The following FHIP1A variants were observed in gnomAD, a reference collection of about 807,000 sequenced individuals.
The protein encoded by FHIP1A is FHF complex subunit HOOK-interacting protein 1A.
A neutral mutation model predicts 88.6 loss-of-function variants in FHIP1A; 61 were observed. That is an observed-to-expected ratio of 0.69 (90% CI 0.56 to 0.85). The LOEUF (loss-of-function observed/expected upper bound fraction) is 0.85. Ranked by LOEUF, FHIP1A falls within the 40% of genes least tolerant of loss-of-function variation. The pLI, the probability that FHIP1A is intolerant of heterozygous loss-of-function variation, is 0.00. For missense variants in FHIP1A, 1,154 were observed against 1,273.5 expected, an observed-to-expected ratio of 0.91 and a Z score of 1.43; for synonymous variants, 478 against 496.0, an observed-to-expected ratio of 0.96 and a Z score of 0.48.
intron 3 of FHIP1A, among the ~76,000 whole-genome samples, chr4:151,535,280 A>G (rs1732027009): frequency 6.6e-6 from 1 of 152,220 alleles, no homozygotes; most frequent in Admixed American, 6.5e-5. Flanking sequence ...AAAGCAAACT[A>G]AATACCCAGC....
intron 1 of FHIP1A, among the ~76,000 whole-genome samples, chr4:151,427,289 A>AT (rs1407470524): frequency 2.0e-5 from 3 of 152,128 alleles, no homozygotes; most frequent in African/African-American, 4.8e-5. Flanking sequence ...TTCATCAGTG[A>AT]TTTTTATATT....
At chr4:151,602,895 G>C (rs1250968589) in intron 7 of FHIP1A, among the ~76,000 whole-genome samples, 2 of 152,182 alleles carry the variant, frequency 1.3e-5, no homozygotes, top group Admixed American at 1.3e-4. Context: ...ATAAGGGATT[G>C]TCCTGCTTTC....
intron 4 of FHIP1A, among the ~76,000 whole-genome samples, chr4:151,575,175 A>C (rs2126786558): frequency 6.6e-6 from 1 of 152,310 alleles, no homozygotes. Context: ...TTTTACCCTG[A>C]GGCCTAGCTG....
intron 4 of FHIP1A, among the ~76,000 whole-genome samples, chr4:151,573,516 A>G (rs1412401044): frequency 1.3e-5 from 2 of 152,122 alleles, no homozygotes; most frequent in African/African-American, 4.8e-5. Flanking sequence ...TGCAAAGTAT[A>G]TTTTGGTTGC....
At chr4:151,573,981 A>G (rs1733692413) in intron 4 of FHIP1A, among the ~76,000 whole-genome samples, 1 of 152,230 alleles carries the variant, frequency 6.6e-6, no homozygotes, top group Non-Finnish European at 1.5e-5. Context: ...GCTCTAGTCA[A>G]GAAGCTTCTT....
intron 7 of FHIP1A, among the ~76,000 whole-genome samples, chr4:151,602,422 T>G (rs956918047): frequency 1.3e-5 from 2 of 152,156 alleles, no homozygotes; most frequent in African/African-American, 4.8e-5. Context: ...CTCTGTCATC[T>G]CCATGGAGTT....
chr4:151,468,181 C>A (rs757588724), intron 2 of FHIP1A, among the ~76,000 whole-genome samples: 13 of 145,328 alleles, frequency 8.9e-5, no homozygotes, highest in Non-Finnish European at 1.9e-4. Context: ...GCTACTCCGG[C>A]GGCTGAGGCA....
At chr4:151,492,924 C>T (rs559007798) in intron 3 of FHIP1A, among the ~76,000 whole-genome samples, 2 of 152,134 alleles carry the variant, frequency 1.3e-5, no homozygotes, top group Admixed American at 1.3e-4. Flanking sequence ...CTTCAAGGAC[C>T]TGGAGAAACA....
At chr4:151,461,192 A>G (rs1437551765) in intron 2 of FHIP1A, among the ~76,000 whole-genome samples, 1 of 152,204 alleles carries the variant, frequency 6.6e-6, no homozygotes, top group African/African-American at 2.4e-5. Context: ...AGCAGAACCT[A>G]TGTTCTGCCA....
chr4:151,634,027 C>T (rs1736254479), intron 8 of FHIP1A, among the ~76,000 whole-genome samples: 1 of 151,720 alleles, frequency 6.6e-6, no homozygotes, highest in African/African-American at 2.4e-5. Context: ...ATATAGAAAA[C>T]CCTAAAGATG....
chr4:151,457,619 C>A (rs1049828169), intron 2 of FHIP1A, among the ~76,000 whole-genome samples: 2 of 152,150 alleles, frequency 1.3e-5, no homozygotes, highest in Non-Finnish European at 2.9e-5. Context: ...GAAATCTTAA[C>A]CTTTTTGGAA....
At chr4:151,419,286 T>C (rs886766066) in intron 1 of FHIP1A, among the ~76,000 whole-genome samples, 1 of 152,220 alleles carries the variant, frequency 6.6e-6, no homozygotes, top group Admixed American at 6.5e-5. Flanking sequence ...GTTTTCAACC[T>C]GGGACATTGG....
chr4:151,592,925 G>A (rs1734494382), intron 7 of FHIP1A, among the ~76,000 whole-genome samples: 1 of 152,148 alleles, frequency 6.6e-6, no homozygotes, highest in Admixed American at 6.5e-5. Flanking sequence ...AATCCATCGT[G>A]AATTAATTTT....
chr4:151,543,039 G>T (rs1328341718), intron 3 of FHIP1A, among the ~76,000 whole-genome samples: 1 of 152,122 alleles, frequency 6.6e-6, no homozygotes, highest in Non-Finnish European at 1.5e-5. Flanking sequence ...TAGCACTTAT[G>T]TATTGCTACT....
At chr4:151,584,014 G>A (rs1734118068) in intron 5 of FHIP1A, among the ~76,000 whole-genome samples, 1 of 152,024 alleles carries the variant, frequency 6.6e-6, no homozygotes, top group Admixed American at 6.6e-5. Context: ...TAAGTGTTTG[G>A]TATTTTTTTT....
At chr4:151,545,534 C>T (rs1390750536) in intron 3 of FHIP1A, among the ~76,000 whole-genome samples, 4 of 151,752 alleles carry the variant, frequency 2.6e-5, no homozygotes, top group Non-Finnish European at 4.4e-5. Flanking sequence ...CCCACTGCCA[C>T]GCCCGGCTAA....
rs1391282718 is a variant in FHIP1A at position 151,664,579 on chromosome 4, C to T, written c.*1825C>T. 6.6e-6 allele frequency among the ~76,000 whole-genome samples: 1 copy of T among 152,230 alleles called. No individual in the cohort carries two copies. Among genetic ancestry groups the T allele is most frequent in the Non-Finnish European group, 1.5e-5 (1 of 68,048 alleles). The stretch of plus-strand genomic sequence containing the variant: ...GCCAGAAGGGATGAAGCACAGCAGA[C>T]TGGTCTGCTTCTGGCTTCCTGATGT... On this transcript the variant is annotated 3_prime_UTR_variant, in exon 14 of 14. Transcript: ENST00000435205.
rs1471202603 is a variant in FHIP1A, at chr4:151,669,691, C to G, written c.*6937C>G. 6.6e-6 allele frequency: 1 copy of G among 152,188 alleles called. No homozygotes were observed. The highest frequency in any genetic ancestry group is 1.5e-5 in the Non-Finnish European group (1 of 68,042). 9.4% of individuals were successfully genotyped at this position (152,188 alleles called of 1,614,324 possible). On this transcript the variant is annotated 3_prime_UTR_variant, in exon 14 of 14. Transcript: ENST00000435205. ...ATGTTACTTTAGACCCAGTAGTTTT[C>G]AGGACCGCAACAGGATGCGGGGCAC...
At chr4:151,541,987 G>A (rs1210559148) in intron 3 of FHIP1A, among the ~76,000 whole-genome samples, 1 of 152,182 alleles carries the variant, frequency 6.6e-6, no homozygotes, top group African/African-American at 2.4e-5. Context: ...CTGGGAGGAT[G>A]GGTTGGAGCC....
Sources: gnomAD v4.1 joint callset for allele counts (sites outside exome capture counted in the v4.1 genomes callset) on GRCh38, gnomAD v4.1.1 for gene constraint, MANE v1.5 for transcripts, NCBI Gene and HGNC (gene_info 2026-07-23, HGNC 2026-07-21) for gene names.